The following ZNF398 variants were observed in gnomAD, a reference collection of about 807,000 sequenced individuals.
ZNF398 encodes zinc finger DNA binding protein ZER6.
Under a neutral mutation model 41.9 loss-of-function variants are expected in ZNF398, and 18 were observed. The ratio of observed to expected loss-of-function variants is 0.43; its 90% CI spans 0.30 to 0.64. The LOEUF (loss-of-function observed/expected upper bound fraction) is 0.64. ZNF398 is among the 30% of genes least tolerant of loss of function. The pLI, the probability that ZNF398 is intolerant of heterozygous loss-of-function variation, is 0.14. For missense variants in ZNF398, 669 were observed against 822.8 expected (o/e 0.81, Z 2.29); for synonymous variants, 260 against 308.8 (o/e 0.84, Z 1.66).
At chr7:149,162,337 A>G (rs1385266147) in intron 2 of ZNF398, among the ~76,000 whole-genome samples, 3 of 151,948 alleles carry the variant, frequency 2.0e-5, no homozygotes, top group Admixed American at 6.6e-5. Context: ...GCCTGCCACC[A>G]CGCCTGGCTA....
chr7:149,136,130 TTTA>T (rs1322415856), intron 2 of ZNF398, among the ~76,000 whole-genome samples: 3 of 151,986 alleles, frequency 2.0e-5, no homozygotes, highest in Non-Finnish European at 2.9e-5. Flanking sequence ...TTTAAATTTA[TTTA>T]TTTATTTATT....
intron 2 of ZNF398, among the ~76,000 whole-genome samples, chr7:149,135,872 C>T (rs1826701496): frequency 6.6e-6 from 1 of 152,114 alleles, no homozygotes; most frequent in African/African-American, 2.4e-5. Context: ...ATGAGAATCA[C>T]TTGACCCCAG....
At chr7:149,151,969 A>G (rs1049640857) in intron 1 of ZNF398, among the ~76,000 whole-genome samples, 2 of 151,962 alleles carry the variant, frequency 1.3e-5, no homozygotes, top group African/African-American at 4.8e-5. Context: ...ACGGTGGCTC[A>G]CGCCCGTAAT....
chr7:149,178,291 CA>C (rs565678658), intron 5 of ZNF398, among the ~76,000 whole-genome samples: 24,172 of 137,292 alleles, frequency 0.18, 2,061 homozygotes, highest in Middle Eastern at 0.24. Context: ...GACTCCGTCT[CA>C]AAAAAAAAAA....
chr7:149,179,749 G>A lies in ZNF398; in HGVS notation c.1877G>A (p.Gly626Asp), dbSNP rs192505284. 272 of 1,610,806 alleles carry A rather than the reference G, an allele frequency of 1.7e-4. 1 individual carries two copies. In the East Asian group the frequency reaches 5.4e-3, roughly 32 times the overall value. ...ETSGLGVNTE[G>D]LETNQWYGEG... ...TCTGGCCTGGGTGTCAACACTGAAG[G>A]TCTAGAGACCAACCAGTGGTATGGG... is the stretch of plus-strand genomic sequence containing the variant. Residue 626 changes from glycine to aspartate, a missense_variant, in exon 6 of 6, where the codon GGT becomes GAT. Physicochemically the swap from Gly to Asp is moderately conservative, Grantham distance 94 (BLOSUM62 -1). Coordinates refer to ENST00000475153, the MANE Select transcript of ZNF398 (RefSeq NM_170686.3). This position sits in a 1 kb window ranked among gnomAD's most constrained non-coding sequence, Gnocchi z 6.1.
upstream of ZNF398, among the ~76,000 whole-genome samples, chr7:149,146,226 A>G (rs979329222): frequency 6.7e-6 from 1 of 149,688 alleles, no homozygotes; most frequent in African/African-American, 2.5e-5. Context: ...GGCGTGAGCC[A>G]CTGCGCTCGG....
intron 1 of ZNF398, chr7:149,148,588 G>A (rs1827021801): frequency 1.6e-6 from 1 of 624,204 alleles, no homozygotes; most frequent in Non-Finnish European, 2.0e-6. Context: ...AGGGGGTAGA[G>A]CAGAGGGAAG....
chr7:149,163,603 ACCT>A, intron 2 of ZNF398, among the ~76,000 whole-genome samples: 1 of 151,816 alleles, frequency 6.6e-6, no homozygotes, highest in South Asian at 2.1e-4. Context: ...TGAACTCCCG[ACCT>A]CAGGTGAGCC....
upstream of ZNF398, among the ~76,000 whole-genome samples, chr7:149,144,515 C>T (rs778952668): frequency 2.6e-5 from 4 of 152,114 alleles, no homozygotes; most frequent in African/African-American, 9.7e-5. Flanking sequence ...CACCAGGTTG[C>T]CCTGACTGGC....
chr7:149,148,007 A>G (rs1563156511), intron 1 of ZNF398: 5 of 397,808 alleles, frequency 1.3e-5, no homozygotes, highest in South Asian at 2.1e-4. Flanking sequence ...GCAGGCAGCT[A>G]TGAGACCCGG....
At chr7:149,129,709 T>C (rs1268416847) in intron 2 of ZNF398, among the ~76,000 whole-genome samples, 1 of 151,942 alleles carries the variant, frequency 6.6e-6, no homozygotes, top group Non-Finnish European at 1.5e-5. Context: ...TTGCTGATAG[T>C]ATTCCATGTT....
intron 2 of ZNF398, among the ~76,000 whole-genome samples, 170 bp downstream of exon 2, chr7:149,154,510 A>C (rs879797342): frequency 1.1e-4 from 16 of 152,142 alleles, no homozygotes; most frequent in Admixed American, 1.0e-3. Flanking sequence ...GAAACATTTT[A>C]TGTTCAATTT....
chr7:149,130,660 T>G (rs76223205), intron 2 of ZNF398, among the ~76,000 whole-genome samples: 5 of 152,218 alleles, frequency 3.3e-5, no homozygotes, highest in Non-Finnish European at 7.3e-5. Context: ...AAAAAACCGT[T>G]AGACATTCTA....
At position 149,180,358 on chromosome 7, in the gene ZNF398, C is replaced by G. The variant is rs1341978331; in HGVS notation, c.*557C>G. ...TTCACACACCTCTGTGGCTGTCTTT[C>G]CCTGAAACATGGTAACTCAAGACTG... On this transcript the variant is annotated 3_prime_UTR_variant, in exon 6 of 6. Coordinates refer to ENST00000475153, the MANE Select transcript of ZNF398 (RefSeq NM_170686.3). 1.3e-5 allele frequency: 2 copies of G among 152,244 alleles called. No homozygotes were observed. Among genetic ancestry groups the G allele is most frequent in the East Asian group, 1.9e-4 (1 of 5,206 alleles). The allele number at this position is 152,244 out of a possible 1,614,324, so 9.4% of individuals were successfully genotyped here. A position where few individuals can be genotyped will look rare whatever the true frequency, so the allele number is the denominator to read the frequency against.
At position 149,131,619 on chromosome 7, in the gene ZNF398, T is replaced by C. The variant is rs530851274; in HGVS notation, c.-490+2675T>C. 7.9e-5 allele frequency among the ~76,000 whole-genome samples: 12 copies of C among 152,234 alleles called. No individual in the cohort carries two copies. In the East Asian group the frequency reaches 2.3e-3, roughly 29 times the overall value. Reference sequence around the variant, plus strand: ...GAGAATTGCTTAAACCTTGGAGGCGTTGGTTGCAGTGAGCCAAGATCGGGC... The same window carrying C: ...GAGAATTGCTTAAACCTTGGAGGCGCTGGTTGCAGTGAGCCAAGATCGGGC... On this transcript the variant is annotated intron_variant, in intron 2 of 6. Coordinates refer to the ZNF398 transcript ENST00000426851.
At chr7:149,134,830 A>G (rs1826676705) in intron 2 of ZNF398, among the ~76,000 whole-genome samples, 1 of 152,204 alleles carries the variant, frequency 6.6e-6, no homozygotes, top group East Asian at 1.9e-4. Flanking sequence ...TCCCTGGTTC[A>G]AGCAATTCTC....
Position 149,179,442 on chromosome 7 carries a change from G to A in ZNF398, c.1570G>A (p.Glu524Lys). ...TDCSKSFMRK[E>K]HLLNHRRLHT... ...CTGCAGTAAGAGCTTCATGCGCAAG[G>A]AGCACCTGCTGAACCACCGGCGGCT... The change falls in exon 6 of 6, where the codon GAG becomes AAG. Residue 524 changes from glutamate (E) to lysine (K), a missense_variant. Physicochemically the swap from Glu to Lys is moderately conservative, Grantham distance 56. Around this residue, in one of 3 missense-constraint regions of ZNF398, gnomAD observed 210 missense variants for 290.4 expected, o/e 0.72. Coordinates refer to ENST00000475153, the MANE Select transcript of ZNF398 (RefSeq NM_170686.3). The surrounding 1 kb of genome is among the most constrained non-coding windows in gnomAD (Gnocchi z 6.1). 6.2e-7 allele frequency: 1 copy of A among 1,613,886 alleles called. No individual in the cohort carries two copies. The highest frequency in any genetic ancestry group is 8.5e-7 in the Non-Finnish European group (1 of 1,180,008).
intron 2 of ZNF398, among the ~76,000 whole-genome samples, chr7:149,159,544 A>G (rs1795056203): frequency 6.6e-6 from 1 of 151,632 alleles, no homozygotes; most frequent in Non-Finnish European, 1.5e-5. Context: ...GCTACCCGGG[A>G]GGCTGAGGCA....
At chr7:149,166,520 T>C (rs1176024921) in intron 3 of ZNF398, among the ~76,000 whole-genome samples, 1 of 152,230 alleles carries the variant, frequency 6.6e-6, no homozygotes, top group Non-Finnish European at 1.5e-5. Context: ...GCTGGTGGTT[T>C]CCATGGGTAT....
Sources: allele counts gnomAD v4.1 joint callset (sites outside exome capture counted in the v4.1 genomes callset), GRCh38; gene constraint gnomAD v4.1.1; regional missense constraint gnomAD v4.1.1; non-coding constraint Gnocchi (gnomAD v3.1); transcripts MANE v1.5; gene names NCBI Gene and HGNC (gene_info 2026-07-23, HGNC 2026-07-21).